PATJ: variants seen among roughly 807,000 people sequenced by gnomAD.
The protein encoded by PATJ is inaD-like protein.
In PATJ, 190 loss-of-function variants were observed where a neutral mutation model predicts 224.9. The observed-to-expected ratio is 0.84, with a 90% CI of 0.75 to 0.95. PATJ has a LOEUF of 0.95. Among genes scored for constraint, PATJ ranks in the 40% least tolerant of loss-of-function variants. PATJ has a pLI of 0.00. For missense variants in PATJ, 2,121 were observed against 2,270.3 expected, an observed-to-expected ratio of 0.93 and a Z score of 1.34; for synonymous variants, 769 against 820.3, an observed-to-expected ratio of 0.94 and a Z score of 1.07.
At position 61,827,163 on chromosome 1, in the gene PATJ, C is replaced by T. The variant is rs548667144; in HGVS notation, c.1819-259C>T. ...TGGTAGATCCCTTACCCAGTAAGGG[C>T]GTATGCTGCATGCATTTTGTACTTT... On this transcript the variant is annotated intron_variant, in intron 15 of 43. Transcript: ENST00000642238. 1.6e-4 allele frequency among the ~76,000 whole-genome samples: 25 copies of T among 152,110 alleles called. 1 individual carries two copies. The South Asian group carries it at 3.9e-3, about 24-fold the overall frequency.
rs139587506 is a variant in PATJ, at chr1:62,043,063, G to C, written c.4032+5014G>C. 2.8e-3 allele frequency among the ~76,000 whole-genome samples: 433 copies of C among 152,264 alleles called. 2 individuals carry two copies. The highest frequency in any genetic ancestry group is 9.5e-3 in the African/African-American group (396 of 41,544). Reference sequence around the variant, plus strand: ...AGCAAGAGTGCTAATAAAACACTGAGCAAGAATTCTGACTATGTGGGTTTT... The same window carrying C: ...AGCAAGAGTGCTAATAAAACACTGACCAAGAATTCTGACTATGTGGGTTTT... On this transcript the variant is annotated intron_variant, in intron 30 of 43. Coordinates refer to ENST00000642238, the MANE Select transcript of PATJ (RefSeq NM_001350145.3).
Position 62,084,646 on chromosome 1 carries a change from T to G in PATJ, c.4375T>G (p.Leu1459Val). ...CATTGTGGGAGGAAAAGACACACCC[T>G]TGGTAAGTTTCTAGAAATAAAATGT... ...LSIVGGKDTP[L>V]NAIVIHEVYE... is the part of the protein sequence containing the mutation. Residue 1459 changes from leucine (L) to valine (V), a missense_variant and splice_region_variant, in exon 33 of 44, where the codon TTG (leucine) becomes GTG (valine). Transcript: ENST00000642238. 1 of 1,612,084 alleles carries G rather than the reference T, an allele frequency of 6.2e-7. No homozygotes were observed. The highest frequency in any genetic ancestry group is 8.5e-7 in the Non-Finnish European group (1 of 1,179,258).
At chr1:61,804,249 T>A (rs1382025874) in intron 12 of PATJ, among the ~76,000 whole-genome samples, 2 of 152,156 alleles carry the variant, frequency 1.3e-5, no homozygotes, top group Non-Finnish European at 2.9e-5. Context: ...CAAATGAATT[T>A]GATTTTTTGT....
In PATJ at chr1:62,124,926, G is replaced by A. The variant is rs561299444; in HGVS notation, c.5043+1868G>A. Among the ~76,000 whole-genome samples the A allele has an allele frequency of 5.3e-5, 8 of 152,152 alleles. No homozygotes were observed. In the South Asian group the frequency reaches 1.2e-3, roughly 24 times the overall value. The stretch of plus-strand genomic sequence containing the variant: ...GTGAATCTTAGGGGGACCCAATTCA[G>A]CCTGTACATTAGCTGTACAGCTGGG... On this transcript the variant is annotated intron_variant, in intron 39 of 43. Coordinates refer to ENST00000642238, the MANE Select transcript of PATJ (RefSeq NM_001350145.3).
chr1:61,967,231 T>C (rs1682302249), intron 27 of PATJ, among the ~76,000 whole-genome samples: 1 of 152,190 alleles, frequency 6.6e-6, no homozygotes, highest in South Asian at 2.1e-4. Context: ...CAAGCATTAG[T>C]CAGTTAACTA....
intron 22 of PATJ, 103 bp from the exon 23 acceptor site, chr1:61,899,480 C>A: frequency 1.6e-6 from 1 of 626,294 alleles, no homozygotes; most frequent in Non-Finnish European, 2.6e-6. Context: ...AATTGAGAAT[C>A]ATTTAACTAC....
rs143153282 is a variant in PATJ, at chr1:61,780,330, A to T, written c.849+4996A>T. Reference sequence around the variant, plus strand: ...AATACAAAAAATTAGCCAGGTGTGGAGGTGCATGCCCATAATCCCAGCTAC... The same window carrying T: ...AATACAAAAAATTAGCCAGGTGTGGTGGTGCATGCCCATAATCCCAGCTAC... On this transcript the variant is annotated intron_variant, in intron 7 of 43. Coordinates refer to ENST00000642238, the MANE Select transcript of PATJ (RefSeq NM_001350145.3). Among the ~76,000 whole-genome samples, 231 of 152,096 alleles carry T rather than the reference A, an allele frequency of 1.5e-3. 4 individuals carry two copies. In the East Asian group the frequency reaches 0.022, roughly 15 times the overall value.
intron 28 of PATJ, among the ~76,000 whole-genome samples, chr1:61,995,273 A>G (rs1026043504): frequency 6.6e-6 from 1 of 152,188 alleles, no homozygotes; most frequent in Non-Finnish European, 1.5e-5. Context: ...CTCTCCCTCA[A>G]TTGAAGTAAA....
At chr1:61,934,856 C>T (rs1676605319) in intron 27 of PATJ, among the ~76,000 whole-genome samples, 1 of 152,128 alleles carries the variant, frequency 6.6e-6, no homozygotes, top group Non-Finnish European at 1.5e-5. Context: ...TGCAGGTTTG[C>T]TCGTGGTGCT....
At chr1:61,887,171 G>T (rs1669006617) in intron 22 of PATJ, among the ~76,000 whole-genome samples, 1 of 152,010 alleles carries the variant, frequency 6.6e-6, no homozygotes, top group Admixed American at 6.6e-5. Context: ...TGCCATAAAG[G>T]GGGTGATTAA....
At chr1:61,808,564 A>AT (rs147544330) in intron 14 of PATJ, 34 bp downstream of exon 14, 55 of 1,420,350 alleles carry the variant, frequency 3.9e-5, no homozygotes, top group African/African-American at 5.7e-5. Flanking sequence ...TAACAGTTTT[A>AT]TTTTTTTTAA....
chr1:61,896,777 G>A (rs1670431387), intron 22 of PATJ, among the ~76,000 whole-genome samples: 2 of 152,082 alleles, frequency 1.3e-5, no homozygotes, highest in African/African-American at 4.8e-5. Flanking sequence ...GAGTTCTCAC[G>A]AGATCTGATG....
At chr1:61,952,116 C>T (rs1007514043) in intron 27 of PATJ, 23 of 423,958 alleles carry the variant, frequency 5.4e-5, no homozygotes, top group African/African-American at 3.3e-4. Flanking sequence ...TTTGCTTCTC[C>T]GGCATAGTTT....
chr1:62,140,711 T>C (rs1458271683), intron 41 of PATJ, among the ~76,000 whole-genome samples: 1 of 151,840 alleles, frequency 6.6e-6, no homozygotes, highest in African/African-American at 2.4e-5. Context: ...ACCATTTGTA[T>C]GGTGGATTTC....
intron 31 of PATJ, among the ~76,000 whole-genome samples, chr1:62,076,359 G>T (rs774923132): frequency 1.5e-5 from 1 of 67,690 alleles, no homozygotes; most frequent in Non-Finnish European, 4.5e-5. Flanking sequence ...TTATGAAACA[G>T]GGTTGAAAAC....
At chr1:62,140,901 C>T (rs1000197836) in intron 41 of PATJ, among the ~76,000 whole-genome samples, 5 of 151,576 alleles carry the variant, frequency 3.3e-5, no homozygotes, top group African/African-American at 1.2e-4. Context: ...AGAGCAAGAC[C>T]TCATCTCTAA....
At chr1:62,033,036 C>T (rs542837025) in intron 29 of PATJ, among the ~76,000 whole-genome samples, 1 of 152,228 alleles carries the variant, frequency 6.6e-6, no homozygotes, top group Non-Finnish European at 1.5e-5. Context: ...CCTGGTCTCT[C>T]CTTTGACACG....
intron 42 of PATJ, 62 bp from the exon 43 acceptor site, chr1:62,153,296 A>G: frequency 8.5e-7 from 1 of 1,174,844 alleles, no homozygotes; most frequent in East Asian, 3.2e-5. Flanking sequence ...TATTCTTCCA[A>G]TTAAATGAAA....
chr1:61,755,026 G>A (rs1163308306), intron 1 of PATJ, among the ~76,000 whole-genome samples: 10 of 152,232 alleles, frequency 6.6e-5, no homozygotes, highest in Admixed American at 6.5e-4. Flanking sequence ...TGGGCAGGGT[G>A]CAGTGGCTCA....
Sources: gnomAD v4.1 joint callset for allele counts (sites outside exome capture counted in the v4.1 genomes callset) on GRCh38, gnomAD v4.1.1 for gene constraint, MANE v1.5 for transcripts, NCBI Gene and HGNC (gene_info 2026-07-23, HGNC 2026-07-21) for gene names.